OR51B5: variants seen among roughly 807,000 people sequenced by gnomAD.
OR51B5 encodes olfactory receptor family 51 subfamily B member 5, also known as olfactory receptor 51B5.
For synonymous variants in OR51B5, 186 were observed against 144.8 expected, an observed-to-expected ratio of 1.28 and a Z score of -2.04; for missense variants, 456 against 374.6, an observed-to-expected ratio of 1.22 and a Z score of -1.79.
chr11:5,368,685 A>T (rs1212797754), intron 1 of OR51B5, among the ~76,000 whole-genome samples: 1 of 152,214 alleles, frequency 6.6e-6, no homozygotes, highest in East Asian at 1.9e-4. Context: ...TAGAGGTTTC[A>T]GTTTTATCTG....
At chr11:5,477,168 A>T (rs1277172077) in intron 1 of OR51B5, among the ~76,000 whole-genome samples, 2 of 152,152 alleles carry the variant, frequency 1.3e-5, no homozygotes, top group Non-Finnish European at 2.9e-5. Flanking sequence ...TTATATCCAA[A>T]CTCATCAACT....
intron 1 of OR51B5, chr11:5,505,350 C>G: frequency 6.1e-6 from 8 of 1,304,068 alleles, no homozygotes; most frequent in Non-Finnish European, 8.1e-6. Flanking sequence ...AGAGAACTCA[C>G]CTCATGAACG....
chr11:5,360,083 G>C (rs1215522121), intron 1 of OR51B5, among the ~76,000 whole-genome samples: 1 of 151,936 alleles, frequency 6.6e-6, no homozygotes, highest in Non-Finnish European at 1.5e-5. Context: ...CATAGGCATG[G>C]GCAAGGACTT....
In OR51B5 at chr11:5,364,351, T is replaced by C. The variant is rs148856883; in HGVS notation, n.85-17441A>G. Among the ~76,000 whole-genome samples the C allele has an allele frequency of 1.1e-3, 172 of 152,218 alleles. 1 individual carries two copies. Among genetic ancestry groups the C allele is most frequent in the African/African-American group, 3.9e-3 (162 of 41,538 alleles). Reference sequence around the variant, plus strand: ...TGGGGTGATATGGAGGCAAGCCAAATGCAGAAACAGGAGGTCATGGTAAGG... The same window carrying C: ...TGGGGTGATATGGAGGCAAGCCAAACGCAGAAACAGGAGGTCATGGTAAGG... On this transcript the variant is annotated intron_variant and non_coding_transcript_variant, in intron 1 of 4. Coordinates refer to the OR51B5 transcript ENST00000415970.
chr11:5,407,796 C>T (rs1320725544), intron 1 of OR51B5, among the ~76,000 whole-genome samples: 10 of 151,804 alleles, frequency 6.6e-5, no homozygotes, highest in Admixed American at 6.6e-4. Context: ...AAATATCCTT[C>T]ATTCTCTTCA....
chr11:5,361,349 G>A (rs1428737361), intron 1 of OR51B5, among the ~76,000 whole-genome samples: 1 of 152,114 alleles, frequency 6.6e-6, no homozygotes, highest in South Asian at 2.1e-4. Flanking sequence ...GAGGAGAGAG[G>A]AGTGGGCCGT....
At chr11:5,491,373 C>T (rs1255571444) in intron 1 of OR51B5, among the ~76,000 whole-genome samples, 3 of 152,168 alleles carry the variant, frequency 2.0e-5, no homozygotes, top group East Asian at 1.9e-4. Flanking sequence ...CCATGGAGAG[C>T]TCCTAGTTCA....
rs138964863 is a variant in OR51B5 at position 5,386,152 on chromosome 11, CAG to C, written n.85-39244_85-39243del. Among the ~76,000 whole-genome samples the C allele has an allele frequency of 8.4e-3, 1,274 of 152,070 alleles. 19 individuals carry two copies. The highest frequency in any genetic ancestry group is 0.026 in the African/African-American group (1,085 of 41,472). On this transcript the variant is annotated intron_variant and non_coding_transcript_variant, in intron 1 of 4. Transcript: ENST00000415970. ...CGCAAGTGTTTACTGGTTGGAAAAACAGGGGTGGTTTTTGCCAAGAAAGCAAT... is the reference window on the plus strand; with the variant it reads ...CGCAAGTGTTTACTGGTTGGAAAAACGGGTGGTTTTTGCCAAGAAAGCAAT...
chr11:5,456,301 T>C (rs1850957949), intron 1 of OR51B5: 1 of 152,182 alleles, frequency 6.6e-6, no homozygotes, highest in Non-Finnish European at 1.5e-5. Flanking sequence ...TTTTTCAGCA[T>C]TAATTAAAAG....
At chr11:5,459,110 ATT>A (rs1188968518) in intron 1 of OR51B5, among the ~76,000 whole-genome samples, 5 of 152,172 alleles carry the variant, frequency 3.3e-5, no homozygotes, top group African/African-American at 1.2e-4. Context: ...AGTTCTTATT[ATT>A]TTGAGGTATA....
chr11:5,483,120 A>G (rs1230260584), intron 1 of OR51B5, among the ~76,000 whole-genome samples: 3 of 151,202 alleles, frequency 2.0e-5, no homozygotes, highest in Admixed American at 1.3e-4. Context: ...ATGTCCATCA[A>G]TGATAGACTG....
At chr11:5,472,656 A>G (rs567486044) in intron 1 of OR51B5, among the ~76,000 whole-genome samples, 1 of 152,330 alleles carries the variant, frequency 6.6e-6, no homozygotes, top group Non-Finnish European at 1.5e-5. Flanking sequence ...TTTCAAAGGA[A>G]TTGAGAATGA....
chr11:5,441,559 G>T, intron 1 of OR51B5: 1 of 1,439,688 alleles, frequency 6.9e-7, no homozygotes, highest in Non-Finnish European at 9.6e-7. Flanking sequence ...GGGTGTGTTG[G>T]GAAACTTCTT....
At chr11:5,416,796 G>C (rs1850251473) in intron 1 of OR51B5, among the ~76,000 whole-genome samples, 1 of 150,528 alleles carries the variant, frequency 6.6e-6, no homozygotes, top group African/African-American at 2.4e-5. Context: ...ACAAATGGAA[G>C]AACATTCCAT....
chr11:5,343,423 T>C, exon 1 of OR51B5: 1 of 1,613,068 alleles, frequency 6.2e-7, no homozygotes, highest in South Asian at 1.1e-5. Flanking sequence ...AAAGGATGGA[T>C]ATATACATGA....
chr11:5,391,853 G>T (rs1169951697), intron 1 of OR51B5: 1 of 152,178 alleles, frequency 6.6e-6, no homozygotes, highest in Non-Finnish European at 1.5e-5. Flanking sequence ...AAGATTACTT[G>T]AGTCCAGGAG....
chr11:5,424,322 A>T (rs1850407853), intron 1 of OR51B5, among the ~76,000 whole-genome samples: 1 of 152,114 alleles, frequency 6.6e-6, no homozygotes, highest in South Asian at 2.1e-4. Flanking sequence ...TTATTCGGGG[A>T]AAAGAGAAAA....
At chr11:5,479,991 T>A (rs1166866917) in intron 1 of OR51B5, among the ~76,000 whole-genome samples, 3 of 148,660 alleles carry the variant, frequency 2.0e-5, no homozygotes, top group Admixed American at 6.7e-5. Flanking sequence ...GGAATTGAAC[T>A]CAGCTCTGCA....
rs193045218 is a variant in OR51B5 at position 5,389,742 on chromosome 11, G to A, written n.85-42832C>T. 8.7e-5 allele frequency: 141 copies of A among 1,613,940 alleles called. No homozygotes were observed. In the East Asian group the frequency reaches 3.1e-3, roughly 35 times the overall value. ...GGAGCGTGTCAAATCCAGATGTTCT[G>A]CATCCACTCTTTTTCCTTCATGGAG... On this transcript the variant is annotated intron_variant and non_coding_transcript_variant, in intron 1 of 4. Coordinates refer to the OR51B5 transcript ENST00000415970.
Sources: gnomAD v4.1 joint callset for allele counts (sites outside exome capture counted in the v4.1 genomes callset) on GRCh38, gnomAD v4.1.1 for gene constraint, MANE v1.5 for transcripts, NCBI Gene and HGNC (gene_info 2026-07-23, HGNC 2026-07-21) for gene names.